The following ZNF215 variants were observed in gnomAD, a reference collection of about 807,000 sequenced individuals.
ZNF215 encodes BWSCR2-associated zinc finger protein 2.
Under a neutral mutation model 27.2 loss-of-function variants are expected in ZNF215, and 24 were observed. That is an observed-to-expected ratio of 0.88 (90% CI 0.64 to 1.24). The LOEUF is 1.24. Ranked by LOEUF, ZNF215 falls within the 50% of genes most tolerant of loss-of-function variation. The probability of loss-of-function intolerance (pLI) is 0.00; values close to 1 mark genes in which losing one functional copy is unlikely to be tolerated. For synonymous variants in ZNF215, 210 were observed against 204.0 expected (o/e 1.03, Z -0.25); for missense variants, 675 against 605.7 (o/e 1.11, Z -1.20).
intron 3 of ZNF215, among the ~76,000 whole-genome samples, chr11:6,933,525 C>T (rs978359394): frequency 7.9e-5 from 12 of 152,162 alleles, no homozygotes; most frequent in South Asian, 2.1e-4. Flanking sequence ...CGGTGGCTCA[C>T]GCCTGTAATC....
At chr11:6,945,134 T>A (rs552844838) in intron 6 of ZNF215, among the ~76,000 whole-genome samples, 47 of 152,338 alleles carry the variant, frequency 3.1e-4, no homozygotes, top group Non-Finnish European at 1.8e-4. Context: ...ATTATCTCTT[T>A]ATCATCATCC....
At chr11:6,975,070 A>T (rs1430004424) in intron 5 of ZNF215, among the ~76,000 whole-genome samples, 1 of 152,128 alleles carries the variant, frequency 6.6e-6, no homozygotes, top group African/African-American at 2.4e-5. Flanking sequence ...ACATCCCATC[A>T]ATACCTAATT....
At chr11:6,987,043 CAAAAG>C (rs535324129), downstream of ZNF215, among the ~76,000 whole-genome samples, 4 of 152,160 alleles carry the variant, frequency 2.6e-5, no homozygotes, top group East Asian at 3.9e-4. Context: ...GGTACATACA[CAAAAG>C]AAAATAAATC....
At position 6,981,437 on chromosome 11, in the gene ZNF215, G is replaced by A. The variant is rs535723499; in HGVS notation, c.806-2692G>A. Among the ~76,000 whole-genome samples the A allele has an allele frequency of 2.1e-3, 320 of 152,124 alleles. 1 individual carries two copies. Among genetic ancestry groups the A allele is most frequent in the African/African-American group, 7.5e-3 (309 of 41,476 alleles). ...TGAGAAGTGTCTGTTCATATCCTTC[G>A]CCCACTTTTTGATGGGGTTGTTTGT... is the stretch of plus-strand genomic sequence containing the variant. On this transcript the variant is annotated intron_variant, in intron 5 of 5. Transcript: ENST00000529903.
In ZNF215 at chr11:6,957,662, T is replaced by C; in HGVS notation, c.*1131T>C. The C allele has an allele frequency of 1.3e-6, 1 of 770,022 alleles. No homozygotes were observed. Among genetic ancestry groups the C allele is most frequent in the Non-Finnish European group, 1.6e-6 (1 of 633,738 alleles). 47.7% of individuals were successfully genotyped at this position (770,022 alleles called of 1,614,324 possible). ...CTTGTTTGTATCCATTAGTCTATGG[T>C]AAAATTGGTTTTGTTATACATCATT... is the stretch of plus-strand genomic sequence containing the variant. On this transcript the variant is annotated 3_prime_UTR_variant, in exon 7 of 7. Transcript: ENST00000278319.
chr11:6,985,225 A>C (rs994100501), downstream of ZNF215, among the ~76,000 whole-genome samples: 1 of 152,206 alleles, frequency 6.6e-6, no homozygotes, highest in African/African-American at 2.4e-5. Flanking sequence ...TTATTCCTGG[A>C]ATGCAAGATT....
intron 5 of ZNF215, 47 bp downstream of exon 5, chr11:6,943,262 C>T (rs1849692800): frequency 1.9e-6 from 3 of 1,573,120 alleles, no homozygotes; most frequent in Middle Eastern, 1.7e-4. Context: ...TAATCTCTTC[C>T]TACCGTTAAA....
At chr11:6,964,164 T>C (rs947768432) in intron 5 of ZNF215, among the ~76,000 whole-genome samples, 11 of 152,026 alleles carry the variant, frequency 7.2e-5, no homozygotes, top group African/African-American at 2.7e-4. Context: ...TTGTTAAGTT[T>C]TGACAGTTTT....
downstream of ZNF215, among the ~76,000 whole-genome samples, chr11:6,989,627 C>A (rs1219789212): frequency 6.6e-6 from 1 of 152,146 alleles, no homozygotes; most frequent in South Asian, 2.1e-4. Context: ...CCCAGACTCC[C>A]ATGTTCCCTA....
chr11:6,967,638 G>GT (rs967148471), intron 5 of ZNF215, among the ~76,000 whole-genome samples: 8 of 151,166 alleles, frequency 5.3e-5, no homozygotes, highest in African/African-American at 1.5e-4. Flanking sequence ...CCTTTTGTTT[G>GT]TTTTTTTCTT....
intron 2 of ZNF215, among the ~76,000 whole-genome samples, chr11:6,931,337 G>A (rs1371067738): frequency 2.0e-5 from 3 of 152,162 alleles, no homozygotes; most frequent in Non-Finnish European, 4.4e-5. Context: ...CCTACACCAC[G>A]TTTATGGGTC....
At chr11:6,931,140 G>C (rs1357442333) in intron 2 of ZNF215, among the ~76,000 whole-genome samples, 1 of 152,160 alleles carries the variant, frequency 6.6e-6, no homozygotes, top group Non-Finnish European at 1.5e-5. Context: ...TAATAAAAGT[G>C]ACACCTGAAT....
At chr11:6,970,999 A>T (rs193086542) in intron 5 of ZNF215, among the ~76,000 whole-genome samples, 1 of 152,238 alleles carries the variant, frequency 6.6e-6, no homozygotes, top group East Asian at 1.9e-4. Context: ...CTTGAAAGCC[A>T]GGTGTTGCAG....
rs1850413432 is a variant in ZNF215 at position 6,957,570 on chromosome 11, G to T, written c.*1039G>T. ...CAGATTTATTTTAATGTCTGATATT[G>T]GAAGCGTTTGGGGTCTTTAGAAGTT... On this transcript the variant is annotated 3_prime_UTR_variant, in exon 7 of 7. Transcript: ENST00000278319. 2 of 173,090 alleles carry T rather than the reference G, an allele frequency of 1.2e-5. No individual in the cohort carries two copies. The highest frequency in any genetic ancestry group is 2.3e-5 in the Non-Finnish European group (2 of 87,364). The allele number at this position is 173,090 out of a possible 1,614,324, so 10.7% of individuals were successfully genotyped here. A position where few individuals can be genotyped will look rare whatever the true frequency, so the allele number is the denominator to read the frequency against.
chr11:6,941,455 T>A, intron 3 of ZNF215, 116 bp from the exon 4 acceptor site: 2 of 857,908 alleles, frequency 2.3e-6, no homozygotes, highest in Non-Finnish European at 1.8e-6. Flanking sequence ...CTGACATTAT[T>A]TTTTTCAAAG....
intron 6 of ZNF215, among the ~76,000 whole-genome samples, chr11:6,944,779 A>G (rs924723602): frequency 2.6e-5 from 4 of 152,134 alleles, no homozygotes; most frequent in African/African-American, 9.7e-5. Flanking sequence ...TTGTGGAACA[A>G]TTTTCAAAAT....
At chr11:6,963,499 T>G (rs1342831823) in intron 5 of ZNF215, among the ~76,000 whole-genome samples, 3 of 152,138 alleles carry the variant, frequency 2.0e-5, no homozygotes, top group Non-Finnish European at 4.4e-5. Context: ...CATTTTAAAT[T>G]TGTTATTCAT....
chr11:6,977,700 G>C (rs1850859824), intron 5 of ZNF215, among the ~76,000 whole-genome samples: 1 of 151,900 alleles, frequency 6.6e-6, no homozygotes, highest in Non-Finnish European at 1.5e-5. Context: ...CCTGGATCTT[G>C]GAATTTTAGC....
chr11:6,980,964 A>T (rs1471899581), intron 5 of ZNF215, among the ~76,000 whole-genome samples: 1 of 150,022 alleles, frequency 6.7e-6, no homozygotes, highest in East Asian at 1.9e-4. Flanking sequence ...GCTGCATAGT[A>T]TTCCATGGTG....
Sources: allele counts gnomAD v4.1 joint callset (sites outside exome capture counted in the v4.1 genomes callset), GRCh38; gene constraint gnomAD v4.1.1; transcripts MANE v1.5; gene names NCBI Gene and HGNC (gene_info 2026-07-23, HGNC 2026-07-21).